SLC26A11: variants seen among roughly 807,000 people sequenced by gnomAD.
SLC26A11 encodes sodium-independent sulfate anion transporter.
SLC26A11 carries 58 observed loss-of-function variants against 62.2 expected under a neutral mutation model. The observed-to-expected ratio is 0.93, with a 90% CI of 0.76 to 1.16. SLC26A11 has a LOEUF of 1.16. Among genes scored for constraint, SLC26A11 ranks in the 50% most tolerant of loss-of-function variants. The probability of loss-of-function intolerance (pLI) is 0.00; values close to 1 mark genes in which losing one functional copy is unlikely to be tolerated. For missense variants in SLC26A11, 790 were observed against 794.3 expected (o/e 0.99, Z 0.06); for synonymous variants, 411 against 368.9 (o/e 1.11, Z -1.31).
intron 9 of SLC26A11, among the ~76,000 whole-genome samples, chr17:80,239,340 A>G (rs995586940): frequency 6.6e-6 from 1 of 151,172 alleles, no homozygotes; most frequent in African/African-American, 2.4e-5. Flanking sequence ...CAGCCTCCCA[A>G]AGTGCTGGGA....
chr17:80,251,202 C>T, intron 16 of SLC26A11, 127 bp from the exon 17 acceptor site: 1 of 1,582,630 alleles, frequency 6.3e-7, no homozygotes, highest in Non-Finnish European at 8.6e-7. Flanking sequence ...TTCTTCTCAC[C>T]ATTCACTGGT....
Position 80,246,205 on chromosome 17 carries a change from G to A in SLC26A11, c.1149G>A (p.Val383=), listed in dbSNP as rs776431841. The A allele has an allele frequency of 6.2e-7, 1 of 1,611,216 alleles. No homozygotes were observed. Among genetic ancestry groups the A allele is most frequent in the East Asian group, 2.2e-5 (1 of 44,870 alleles). Residue 383 remains valine (V), a synonymous_variant, in exon 12 of 18, where the codon GTG becomes GTA. Transcript: ENST00000361193. The surrounding 1 kb of genome is among the most constrained non-coding windows in gnomAD (Gnocchi z 4.4). ...TGTGCACCCCGGCGGGGGGCCTGGTGACGGGTAAGGCCCCCCATCTTCCCC... is the reference window on the plus strand; with the variant it reads ...TGTGCACCCCGGCGGGGGGCCTGGTAACGGGTAAGGCCCCCCATCTTCCCC... ...SGVCTPAGGL[V]TGVLVLLSLD...
In SLC26A11 at chr17:80,220,951, G is replaced by T. The variant is rs984468409; in HGVS notation, c.-178G>T. 2.0e-5 allele frequency: 3 copies of T among 152,672 alleles called. No homozygotes were observed. The highest frequency in any genetic ancestry group is 2.9e-5 in the Non-Finnish European group (2 of 68,430). 9.5% of individuals were successfully genotyped at this position (152,672 alleles called of 1,614,324 possible). A position where few individuals can be genotyped will look rare whatever the true frequency, so the allele number is the denominator to read the frequency against. ...AACTCCAGGGCTGTGAAAGCCACAG[G>T]TGGGGGCTGAGCGAGGCGTGGCCTC... On this transcript the variant is annotated 5_prime_UTR_variant, in exon 2 of 18. Coordinates refer to ENST00000361193, the MANE Select transcript of SLC26A11 (RefSeq NM_001166347.2).
chr17:80,221,386 C>G (rs1331904451), intron 2 of SLC26A11, 162 bp from the exon 3 acceptor site: 2 of 566,720 alleles, frequency 3.5e-6, no homozygotes, highest in South Asian at 2.3e-5. Context: ...GGCCCAGTCC[C>G]CATCTTGCAC....
intron 10 of SLC26A11, among the ~76,000 whole-genome samples, chr17:80,243,577 T>A (rs1447562416): frequency 6.6e-6 from 1 of 152,166 alleles, no homozygotes; most frequent in Non-Finnish European, 1.5e-5. Context: ...TTTGTATTTT[T>A]AGTAGGACGA....
At chr17:80,239,698 C>A (rs542557885) in intron 9 of SLC26A11, among the ~76,000 whole-genome samples, 1 of 152,108 alleles carries the variant, frequency 6.6e-6, no homozygotes, top group Admixed American at 6.5e-5. Context: ...ATTGTAGAGA[C>A]AAGGTCTCAC....
chr17:80,222,408 T>G lies in SLC26A11; in HGVS notation c.235-247T>G. 1 of 452,986 alleles carries G rather than the reference T, an allele frequency of 2.2e-6. No individual in the cohort carries two copies. The highest frequency in any genetic ancestry group is 2.0e-5 in the African/African-American group (1 of 49,286). The allele number at this position is 452,986 out of a possible 1,614,324, so 28.1% of individuals were successfully genotyped here. On this transcript the variant is annotated intron_variant, in intron 3 of 17. Coordinates refer to ENST00000361193, the MANE Select transcript of SLC26A11 (RefSeq NM_001166347.2). The surrounding 1 kb of genome is among the most constrained non-coding windows in gnomAD (Gnocchi z 4.7). ...AAAAAAAAGAATGCTTCCTCAGACT[T>G]GGACACAGCACACGGGCCTGCACCG...
chr17:80,233,620 A>C (rs2042618198), intron 7 of SLC26A11, among the ~76,000 whole-genome samples: 1 of 137,054 alleles, frequency 7.3e-6, no homozygotes, highest in Admixed American at 8.3e-5. Flanking sequence ...TCACTCTGTC[A>C]CTCAGGCTGG....
At position 80,238,240 on chromosome 17, in the gene SLC26A11, C is replaced by A. The variant is rs1226858276; in HGVS notation, c.985+646C>A. On this transcript the variant is annotated intron_variant, in intron 9 of 17. Transcript: ENST00000361193. ...GCATGGAGCACACCTGTGGTACCAG[C>A]TTCTCAGAAGGCTGAGGCAGGAGGA... 5.9e-5 allele frequency among the ~76,000 whole-genome samples: 9 copies of A among 152,310 alleles called. No individual in the cohort carries two copies. The East Asian group carries it at 1.7e-3, about 29-fold the overall frequency.
At position 80,252,011 on chromosome 17, in the gene SLC26A11, C is replaced by T. The variant is rs1414854531; in HGVS notation, c.1729+610C>T. Among the ~76,000 whole-genome samples, 2 of 152,112 alleles carry T rather than the reference C, an allele frequency of 1.3e-5. No individual in the cohort carries two copies. The highest frequency in any genetic ancestry group is 1.9e-4 in the East Asian group (1 of 5,178). On this transcript the variant is annotated intron_variant, in intron 17 of 17. Transcript: ENST00000361193. The surrounding 1 kb of genome is among the most constrained non-coding windows in gnomAD (Gnocchi z 5.2). ...CCCGGGGGATCAGGACAGAGCAGGG[C>T]CGGGTCAGGAGATCCAGAAGCCCCG...
At chr17:80,248,396 C>G in intron 14 of SLC26A11, 139 bp downstream of exon 14, 2 of 1,349,898 alleles carry the variant, frequency 1.5e-6, no homozygotes, top group Non-Finnish European at 2.0e-6. Flanking sequence ...GGGCAGTCAC[C>G]TTGCTATAAA....
In SLC26A11 at chr17:80,246,627, C is replaced by T; in HGVS notation, c.1272C>T (p.Phe424=). Residue 424 remains phenylalanine, a synonymous_variant, in exon 13 of 18, where the codon TTC becomes TTT. Transcript: ENST00000361193. The surrounding 1 kb of genome is among the most constrained non-coding windows in gnomAD (Gnocchi z 4.4). The part of the protein sequence containing the change: ...AVAPLFDTKI[F]RTLWRVKRLD... ...CCCCGCTGTTCGACACCAAGATCTT[C>T]AGGACGCTCTGGCGTGTTAAGAGTA... The T allele has an allele frequency of 6.2e-7, 1 of 1,613,966 alleles. No homozygotes were observed.
chr17:80,224,364 A>AGT (rs148238632), intron 5 of SLC26A11, among the ~76,000 whole-genome samples: 66,983 of 142,698 alleles, frequency 0.47, 15,935 homozygotes, highest in African/African-American at 0.63. Context: ...GGTGTGAGGG[A>AGT]GTGTGAGTGC....
At chr17:80,251,553 A>C in intron 17 of SLC26A11, 152 bp downstream of exon 17, 1 of 946,768 alleles carries the variant, frequency 1.1e-6, no homozygotes, top group South Asian at 1.6e-5. Context: ...ACCTGAGGTC[A>C]GGAGTTCGAG....
In SLC26A11 at chr17:80,246,304, G is replaced by C; in HGVS notation, c.1153+95G>C. ...GAGACGTCCCTTTGGCTCATGGGCC[G>C]TGCGCCCCGGGACTGCACAGGGACT... On this transcript the variant is annotated intron_variant, in intron 12 of 17. Transcript: ENST00000361193. This position sits in a 1 kb window ranked among gnomAD's most constrained non-coding sequence, Gnocchi z 4.4. 1 of 1,482,554 alleles carries C rather than the reference G, an allele frequency of 6.7e-7. No homozygotes were observed. The highest frequency in any genetic ancestry group is 2.3e-5 in the East Asian group (1 of 44,114). The allele number at this position is 1,482,554 out of a possible 1,614,324, so 91.8% of individuals were successfully genotyped here.
At chr17:80,241,675 G>A (rs1216862198) in intron 9 of SLC26A11, 96 bp from the exon 10 acceptor site, 15 of 1,247,876 alleles carry the variant, frequency 1.2e-5, no homozygotes, top group South Asian at 4.8e-5. Flanking sequence ...ACTTATTGCC[G>A]TGTGTAGAAA....
chr17:80,245,950 T>C (rs113755168), intron 11 of SLC26A11, among the ~76,000 whole-genome samples: 1 of 152,310 alleles, frequency 6.6e-6, no homozygotes, highest in African/African-American at 2.4e-5. Flanking sequence ...TTCCTGAGCT[T>C]CTTCCTATAG....
rs2043014010 is a variant in SLC26A11, at chr17:80,246,873, G to C, written c.1294+224G>C. 2.0e-5 allele frequency among the ~76,000 whole-genome samples: 3 copies of C among 152,052 alleles called. No individual in the cohort carries two copies. In the South Asian group the frequency reaches 6.2e-4, roughly 32 times the overall value. ...TCCTTGTCCTGACACCTGGGGTCTT[G>C]AGGCGAGCACTGACCCGGGGGAGGG... On this transcript the variant is annotated intron_variant, in intron 13 of 17. Coordinates refer to ENST00000361193, the MANE Select transcript of SLC26A11 (RefSeq NM_001166347.2). This position sits in a 1 kb window ranked among gnomAD's most constrained non-coding sequence, Gnocchi z 4.4.
chr17:80,222,363 G>A lies in SLC26A11; in HGVS notation c.235-292G>A, dbSNP rs1355190790. The A allele has an allele frequency of 3.3e-5, 10 of 301,110 alleles. No homozygotes were observed. The highest frequency in any genetic ancestry group is 1.9e-4 in the East Asian group (3 of 15,604). The allele number at this position is 301,110 out of a possible 1,614,324, so 18.7% of individuals were successfully genotyped here. A position where few individuals can be genotyped will look rare whatever the true frequency, so the allele number is the denominator to read the frequency against. On this transcript the variant is annotated intron_variant, in intron 3 of 17. Coordinates refer to ENST00000361193, the MANE Select transcript of SLC26A11 (RefSeq NM_001166347.2). This position sits in a 1 kb window ranked among gnomAD's most constrained non-coding sequence, Gnocchi z 4.7. The stretch of plus-strand genomic sequence containing the variant: ...TGCCCTCCAGCCTGGGCGACAGAGC[G>A]AGACTCCATCTCAAAAAAAAAAAAA...
Sources: allele counts gnomAD v4.1 joint callset (sites outside exome capture counted in the v4.1 genomes callset), GRCh38; gene constraint gnomAD v4.1.1; non-coding constraint Gnocchi (gnomAD v3.1); transcripts MANE v1.5; gene names NCBI Gene and HGNC (gene_info 2026-07-23, HGNC 2026-07-21).